The following FCER1A variants were observed in gnomAD, a reference collection of about 807,000 sequenced individuals.
FCER1A encodes Fc epsilon receptor Ia, also known as high affinity immunoglobulin epsilon receptor subunit alpha.
Under a neutral mutation model 23.6 loss-of-function variants are expected in FCER1A, and 24 were observed. The ratio of observed to expected loss-of-function variants is 1.02; its 90% CI spans 0.74 to 1.43. The LOEUF is 1.43. Among genes scored for constraint, FCER1A ranks in the 40% most tolerant of loss-of-function variants. The probability of loss-of-function intolerance (pLI) is 0.00; values close to 1 mark genes in which losing one functional copy is unlikely to be tolerated. For missense variants in FCER1A, 318 were observed against 294.5 expected (o/e 1.08, Z -0.58); for synonymous variants, 121 against 108.8 (o/e 1.11, Z -0.70).
At chr1:159,290,097 C>T (rs1652108686) in intron 1 of FCER1A, among the ~76,000 whole-genome samples, 2 of 152,092 alleles carry the variant, frequency 1.3e-5, no homozygotes, top group Admixed American at 6.6e-5. Context: ...AACCTATGTC[C>T]CATGCATCTG....
intron 4 of FCER1A, among the ~76,000 whole-genome samples, chr1:159,307,265 G>A (rs1276281499): frequency 6.6e-6 from 1 of 152,086 alleles, no homozygotes; most frequent in African/African-American, 2.4e-5. Context: ...CACAAAAATC[G>A]GTACAGTTTA....
chr1:159,294,282 C>A (rs563084531), intron 1 of FCER1A, among the ~76,000 whole-genome samples: 2 of 152,092 alleles, frequency 1.3e-5, no homozygotes, highest in South Asian at 2.1e-4. Context: ...ATGTTTATTG[C>A]GGCACTATTC....
intron 3 of FCER1A, 77 bp from the exon 4 acceptor site, chr1:159,305,911 G>A: frequency 7.7e-7 from 1 of 1,304,136 alleles, no homozygotes; most frequent in Non-Finnish European, 1.1e-6. Context: ...CATGCTCTAT[G>A]CGTGGCTCTC....
chr1:159,294,536 C>T lies in FCER1A; in HGVS notation c.-60+4783C>T, dbSNP rs143075770. ...AGCAACATTATTTACTTTTTACAAA[C>T]GTTAGTCACAAGCTGTCACTGTTCT... On this transcript the variant is annotated intron_variant, in intron 1 of 5. Coordinates refer to the FCER1A transcript ENST00000368115. Among the ~76,000 whole-genome samples, 75 of 152,246 alleles carry T rather than the reference C, an allele frequency of 4.9e-4. 1 individual carries two copies. The East Asian group carries it at 0.013, about 27-fold the overall frequency.
intron 3 of FCER1A, among the ~76,000 whole-genome samples, chr1:159,305,109 T>C (rs757924081): frequency 1.3e-4 from 20 of 151,440 alleles, no homozygotes; most frequent in Admixed American, 1.3e-4. Context: ...TACTCTATAT[T>C]TTTCTCTTGA....
chr1:159,307,700 G>A, intron 4 of FCER1A, 48 bp from the exon 5 acceptor site: 3 of 1,416,092 alleles, frequency 2.1e-6, no homozygotes, highest in Non-Finnish European at 2.0e-6. Context: ...TCATTTTTCA[G>A]TTCCCAAGAT....
chr1:159,306,276 A>G lies in FCER1A; in HGVS notation c.589+31A>G, dbSNP rs201536775. On this transcript the variant is annotated intron_variant, in intron 4 of 4. Coordinates refer to ENST00000693622, the MANE Select transcript of FCER1A (RefSeq NM_001387280.1). ...TTGGTAAAGGAAAGGAAAAGCATCC[A>G]TAGCAGGGGAAGGAAGAGAGAACTT... is the stretch of plus-strand genomic sequence containing the variant. 2.7e-3 allele frequency: 4,407 copies of G among 1,604,440 alleles called. 33 individuals are homozygous for G. Among genetic ancestry groups the G allele is most frequent in the Non-Finnish European group, 2.0e-3 (2,342 of 1,174,866 alleles).
intron 3 of FCER1A, among the ~76,000 whole-genome samples, chr1:159,305,770 C>T (rs1652583492): frequency 6.6e-6 from 1 of 152,092 alleles, no homozygotes; most frequent in Non-Finnish European, 1.5e-5. Flanking sequence ...CTTTGTGGCC[C>T]CAGACTGACT....
upstream of FCER1A, among the ~76,000 whole-genome samples, chr1:159,299,660 C>T (rs527896013): frequency 4.6e-5 from 7 of 152,264 alleles, no homozygotes; most frequent in Non-Finnish European, 4.4e-5. Context: ...AATTTAGACA[C>T]GCCCTATTGA....
chr1:159,304,962 A>G (rs1652555064), intron 3 of FCER1A, among the ~76,000 whole-genome samples: 1 of 152,186 alleles, frequency 6.6e-6, no homozygotes, highest in Non-Finnish European at 1.5e-5. Flanking sequence ...TTAAGAACAC[A>G]TATTTCATGC....
At chr1:159,293,837 C>T (rs1652224252) in intron 1 of FCER1A, among the ~76,000 whole-genome samples, 1 of 151,830 alleles carries the variant, frequency 6.6e-6, no homozygotes, top group Admixed American at 6.6e-5. Flanking sequence ...GGGCTAATAT[C>T]CAGAATCTAC....
At chr1:159,293,677 AATG>A in intron 1 of FCER1A, among the ~76,000 whole-genome samples, 1 of 151,396 alleles carries the variant, frequency 6.6e-6, no homozygotes, top group Admixed American at 6.6e-5. Context: ...GTTTACTGAG[AATG>A]ATGATTTCCA....
At chr1:159,299,778 T>C (rs1652383445), upstream of FCER1A, among the ~76,000 whole-genome samples, 1 of 152,024 alleles carries the variant, frequency 6.6e-6, no homozygotes, top group Non-Finnish European at 1.5e-5. Context: ...TTTTTTTTTA[T>C]ATATAAGATA....
At chr1:159,296,188 G>T (rs1404125426) in intron 1 of FCER1A, among the ~76,000 whole-genome samples, 1 of 151,904 alleles carries the variant, frequency 6.6e-6, no homozygotes, top group Non-Finnish European at 1.5e-5. Context: ...ATCTAATATT[G>T]TATTCAAAAA....
At chr1:159,287,485 A>G (rs1258066066), upstream of FCER1A, among the ~76,000 whole-genome samples, 2 of 152,106 alleles carry the variant, frequency 1.3e-5, no homozygotes, top group Admixed American at 6.6e-5. Flanking sequence ...TAACTAAAGA[A>G]TATGTCCTGG....
chr1:159,293,229 C>T (rs956919840), intron 1 of FCER1A, among the ~76,000 whole-genome samples: 37 of 149,740 alleles, frequency 2.5e-4, no homozygotes, highest in African/African-American at 6.2e-4. Flanking sequence ...TCACACAGTC[C>T]GGTGGCTCTT....
the FCER1A span, among the ~76,000 whole-genome samples, chr1:159,283,918 G>A: frequency 6.6e-6 from 1 of 152,150 alleles, no homozygotes. Context: ...AGAACCTGAA[G>A]GCTGGTCTCA....
chr1:159,285,372 A>C (rs1651989137), upstream of FCER1A, among the ~76,000 whole-genome samples: 1 of 152,218 alleles, frequency 6.6e-6, no homozygotes, highest in African/African-American at 2.4e-5. Context: ...TCATAGTATC[A>C]TTAAATTTGT....
chr1:159,289,049 C>T (rs1652084114), upstream of FCER1A, among the ~76,000 whole-genome samples: 1 of 152,174 alleles, frequency 6.6e-6, no homozygotes, highest in Non-Finnish European at 1.5e-5. Context: ...AATAACATGT[C>T]TTCCCCAAGT....
Sources: allele counts gnomAD v4.1 joint callset (sites outside exome capture counted in the v4.1 genomes callset), GRCh38; gene constraint gnomAD v4.1.1; transcripts MANE v1.5; gene names NCBI Gene and HGNC (gene_info 2026-07-23, HGNC 2026-07-21).